Variants in C8orf34 observed in about 807,000 individuals in gnomAD.
The protein encoded by C8orf34 is uncharacterized protein C8orf34.
Under a neutral mutation model 68.3 loss-of-function variants are expected in C8orf34, and 65 were observed. The observed-to-expected ratio is 0.95, with a 90% CI of 0.78 to 1.17. C8orf34 has a LOEUF of 1.17. C8orf34 is among the 50% of genes most tolerant of loss of function. C8orf34 has a pLI of 0.00. For synonymous variants in C8orf34, 244 were observed against 241.2 expected (o/e 1.01, Z -0.11); for missense variants, 664 against 655.4 (o/e 1.01, Z -0.14).
chr8:68,338,983 T>G (rs1336434569), intron 1 of C8orf34, among the ~76,000 whole-genome samples: 2 of 152,138 alleles, frequency 1.3e-5, no homozygotes, highest in African/African-American at 4.8e-5. Flanking sequence ...TGAATTTTCT[T>G]TTCTTGTGAT....
intron 10 of C8orf34, among the ~76,000 whole-genome samples, chr8:68,739,447 A>G (rs1428111253): frequency 2.0e-5 from 3 of 152,132 alleles, no homozygotes; most frequent in Non-Finnish European, 1.5e-5. Flanking sequence ...AACCAAAAAA[A>G]GTCAAGGCAA....
chr8:68,446,203 T>C (rs1811115000), intron 2 of C8orf34, 126 bp from the exon 3 acceptor site: 5 of 704,666 alleles, frequency 7.1e-6, no homozygotes, highest in Non-Finnish European at 1.2e-5. Context: ...TTTGCGTGGG[T>C]ACATTATTTT....
intron 7 of C8orf34, among the ~76,000 whole-genome samples, chr8:68,601,576 G>A (rs778196270): frequency 2.6e-5 from 4 of 152,026 alleles, no homozygotes; most frequent in Middle Eastern, 3.2e-3. Context: ...ATTTGTGCTT[G>A]AGTCTCTTTT....
At chr8:68,490,577 A>G (rs2129631800) in intron 5 of C8orf34, among the ~76,000 whole-genome samples, 1 of 152,084 alleles carries the variant, frequency 6.6e-6, no homozygotes, top group African/African-American at 2.4e-5. Context: ...TTACTTACCT[A>G]ATATTCCTGT....
chr8:68,461,113 A>T (rs933133891), intron 3 of C8orf34, among the ~76,000 whole-genome samples: 1 of 152,256 alleles, frequency 6.6e-6, no homozygotes, highest in African/African-American at 2.4e-5. Context: ...GATGGAGCTG[A>T]AAGCCAAGGC....
intron 8 of C8orf34, 113 bp downstream of exon 8, chr8:68,640,624 G>A (rs1818978426): frequency 3.7e-6 from 4 of 1,089,114 alleles, no homozygotes; most frequent in Non-Finnish European, 5.1e-6. Flanking sequence ...TCCTTCCAGC[G>A]ATCTTTTGTG....
At chr8:68,784,956 A>G (rs1823804534) in intron 11 of C8orf34, among the ~76,000 whole-genome samples, 2 of 152,176 alleles carry the variant, frequency 1.3e-5, no homozygotes, top group African/African-American at 4.8e-5. Context: ...GAATGATTTT[A>G]GAAACCAAGA....
intron 12 of C8orf34, among the ~76,000 whole-genome samples, chr8:68,810,952 C>A (rs1824632261): frequency 1.3e-5 from 2 of 152,180 alleles, no homozygotes; most frequent in African/African-American, 4.8e-5. Context: ...GGCAGCCCAG[C>A]CCCCAGGCTT....
intron 8 of C8orf34, among the ~76,000 whole-genome samples, chr8:68,655,795 T>C (rs1194801407): frequency 2.0e-5 from 3 of 152,128 alleles, no homozygotes; most frequent in Non-Finnish European, 4.4e-5. Context: ...ACAACAACAA[T>C]AGCAAGATTT....
chr8:68,573,646 T>C (rs994453980), intron 7 of C8orf34, among the ~76,000 whole-genome samples: 4 of 152,184 alleles, frequency 2.6e-5, no homozygotes, highest in African/African-American at 4.8e-5. Flanking sequence ...ATGCATCTAC[T>C]TCTATTCTTT....
intron 4 of C8orf34, among the ~76,000 whole-genome samples, chr8:68,485,729 A>AAATC (rs1479235872): frequency 5.4e-5 from 8 of 149,264 alleles, no homozygotes; most frequent in Admixed American, 2.0e-4. Flanking sequence ...AATAAAAAAT[A>AAATC]AATAAATAAA....
intron 1 of C8orf34, among the ~76,000 whole-genome samples, chr8:68,356,463 A>G (rs934246420): frequency 4.3e-4 from 65 of 152,244 alleles, no homozygotes; most frequent in African/African-American, 1.5e-3. Context: ...CAATTTCACA[A>G]AAGCCTGCCT....
At chr8:68,377,383 G>T (rs1422614013) in intron 1 of C8orf34, among the ~76,000 whole-genome samples, 1 of 147,930 alleles carries the variant, frequency 6.8e-6, no homozygotes, top group South Asian at 2.2e-4. Flanking sequence ...GGTGACAAAG[G>T]GAGACCCTGT....
At chr8:68,654,489 T>C (rs188666357) in intron 8 of C8orf34, among the ~76,000 whole-genome samples, 3 of 152,308 alleles carry the variant, frequency 2.0e-5, no homozygotes, top group Admixed American at 2.0e-4. Context: ...GGTAACAACA[T>C]ATGTATTGAT....
At chr8:68,410,606 A>G (rs2129622114) in intron 1 of C8orf34, among the ~76,000 whole-genome samples, 1 of 152,228 alleles carries the variant, frequency 6.6e-6, no homozygotes, top group East Asian at 1.9e-4. Context: ...TAGAAAGTCT[A>G]AGTGCCAAAG....
At chr8:68,710,145 C>T (rs1821290408) in intron 9 of C8orf34, among the ~76,000 whole-genome samples, 2 of 152,118 alleles carry the variant, frequency 1.3e-5, no homozygotes, top group African/African-American at 4.8e-5. Flanking sequence ...GGCTCCCACT[C>T]GGACAGACAG....
At chr8:68,673,198 C>A (rs746336720) in intron 8 of C8orf34, among the ~76,000 whole-genome samples, 28 of 152,042 alleles carry the variant, frequency 1.8e-4, no homozygotes, top group Non-Finnish European at 2.4e-4. Context: ...CAGCATATTG[C>A]CAGCTATGGT....
intron 3 of C8orf34, among the ~76,000 whole-genome samples, chr8:68,457,245 G>T (rs1009922310): frequency 1.3e-5 from 2 of 151,932 alleles, no homozygotes; most frequent in Admixed American, 1.3e-4. Flanking sequence ...TATATGTATA[G>T]AAAGTATAAA....
intron 8 of C8orf34, among the ~76,000 whole-genome samples, chr8:68,694,125 G>A (rs572927459): frequency 4.3e-4 from 65 of 152,016 alleles, no homozygotes; most frequent in South Asian, 1.7e-3. Flanking sequence ...TTTTCTAAGG[G>A]CTCTACTTTT....
Sources: allele counts gnomAD v4.1 joint callset (sites outside exome capture counted in the v4.1 genomes callset), GRCh38; gene constraint gnomAD v4.1.1; transcripts MANE v1.5; gene names NCBI Gene and HGNC (gene_info 2026-07-23, HGNC 2026-07-21).